The following HPX variants were observed in gnomAD, a reference collection of about 807,000 sequenced individuals.
HPX encodes the protein beta-1B-glycoprotein.
HPX carries 42 observed loss-of-function variants against 53.8 expected under a neutral mutation model. That is an observed-to-expected ratio of 0.78 (90% CI 0.61 to 1.01). The LOEUF is 1.01. Among genes scored for constraint, HPX ranks in the 50% least tolerant of loss-of-function variants. The pLI is 0.00. For synonymous variants in HPX, 229 were observed against 221.1 expected (o/e 1.04, Z -0.32); for missense variants, 547 against 594.3 (o/e 0.92, Z 0.83).
chr11:6,433,781 C>T (rs1212513181), intron 7 of HPX, among the ~76,000 whole-genome samples: 2 of 152,218 alleles, frequency 1.3e-5, no homozygotes, highest in East Asian at 3.9e-4. Flanking sequence ...TGGCCACTGC[C>T]GTCCCTGCCC....
Position 6,438,466 on chromosome 11 carries a change from C to T in HPX, c.380G>A (p.Gly127Glu), listed in dbSNP as rs1268363943. 2.5e-6 allele frequency: 4 copies of T among 1,613,904 alleles called. No homozygotes were observed. The highest frequency in any genetic ancestry group is 1.7e-5 in the Admixed American group (1 of 60,008). Residue 127 changes from glycine to glutamate, a missense_variant, in exon 5 of 10, where the codon GGA becomes GAA. Transcript: ENST00000265983. ...TTCATCTTGGAGCAACTTTGGGTAT[C>T]CTTTCTCCTTCTTTTCAGGAGGGTA... ...WVYPPEKKEK[G>E]YPKLLQDEFP...
chr11:6,431,518 C>A, intron 9 of HPX, 48 bp from the exon 10 acceptor site: 1 of 1,611,882 alleles, frequency 6.2e-7, no homozygotes, highest in Non-Finnish European at 8.5e-7. Context: ...TCATGGGGAT[C>A]CTGACCTAGG....
chr11:6,439,866 G>A (rs1375356126), intron 4 of HPX: 1 of 412,250 alleles, frequency 2.4e-6, no homozygotes, highest in Non-Finnish European at 4.6e-6. Context: ...CTTGATACAG[G>A]GTCATGGAAG....
intron 1 of HPX, 31 bp downstream of exon 1, chr11:6,440,850 A>G (rs1463706543): frequency 3.1e-6 from 5 of 1,609,716 alleles, no homozygotes; most frequent in Non-Finnish European, 4.3e-6. Context: ...CCAGAACTCA[A>G]TCCTTCGCTT....
chr11:6,438,303 A>T (rs1488285471), intron 5 of HPX, 53 bp downstream of exon 5: 3 of 1,574,838 alleles, frequency 1.9e-6, no homozygotes, highest in Admixed American at 3.4e-5. Context: ...CACTACTGGC[A>T]TCACTACCAA....
chr11:6,438,594 T>G (rs1389303196), intron 4 of HPX, 85 bp from the exon 5 acceptor site: 2 of 1,226,598 alleles, frequency 1.6e-6, no homozygotes, highest in African/African-American at 1.5e-5. Context: ...TCTACTGTGC[T>G]TATACGATAT....
chr11:6,440,156 C>T lies in HPX; in HGVS notation c.336+9G>A, dbSNP rs1849464331. 3 of 1,614,030 alleles carry T rather than the reference C, an allele frequency of 1.9e-6. No homozygotes were observed. Among genetic ancestry groups the T allele is most frequent in the Non-Finnish European group, 2.5e-6 (3 of 1,180,022 alleles). Reference sequence around the variant, plus strand: ...TTCCAGCCTGGCCCTGATTTTGGCCCAGCAGTACCTTGATCAGAAAGACAC... The same window carrying T: ...TTCCAGCCTGGCCCTGATTTTGGCCTAGCAGTACCTTGATCAGAAAGACAC... On this transcript the variant is annotated intron_variant, in intron 4 of 9. Transcript: ENST00000265983.
chr11:6,435,349 C>A (rs1271693993), intron 7 of HPX, among the ~76,000 whole-genome samples: 2 of 152,000 alleles, frequency 1.3e-5, no homozygotes, highest in Admixed American at 6.6e-5. Context: ...GAGGGACTGC[C>A]CCATGCTGTA....
At chr11:6,440,094 A>C in intron 4 of HPX, 71 bp downstream of exon 4, 3 of 1,604,920 alleles carry the variant, frequency 1.9e-6, no homozygotes, top group Non-Finnish European at 2.6e-6. Flanking sequence ...TGCCAAGGCC[A>C]TTTGGGGGAA....
rs750019408 is a variant in HPX, at chr11:6,437,026, G to T, written c.835+20C>A. 2 of 1,612,924 alleles carry T rather than the reference G, an allele frequency of 1.2e-6. No homozygotes were observed. Among genetic ancestry groups the T allele is most frequent in the East Asian group, 2.2e-5 (1 of 44,888 alleles). The stretch of plus-strand genomic sequence containing the variant: ...AAAGAGATGTGAGAGCACATTGGGG[G>T]AGTTGGGGGCATCTCTCACCACTGA... On this transcript the variant is annotated intron_variant, in intron 7 of 9. Transcript: ENST00000265983.
chr11:6,431,854 GTC>G, intron 8 of HPX, 31 bp downstream of exon 8: 1 of 1,613,928 alleles, frequency 6.2e-7, no homozygotes, highest in Non-Finnish European at 8.5e-7. Flanking sequence ...GCTTGTCCCA[GTC>G]TCTACCTCAA....
intron 4 of HPX, among the ~76,000 whole-genome samples, chr11:6,438,918 G>C (rs1312619049): frequency 1.3e-5 from 2 of 152,166 alleles, no homozygotes; most frequent in Non-Finnish European, 2.9e-5. Flanking sequence ...ATTGTGAGAG[G>C]CACTGAGGAT....
intron 2 of HPX, 55 bp from the exon 3 acceptor site, chr11:6,440,593 A>C (rs1020198490): frequency 1.1e-5 from 13 of 1,174,924 alleles, no homozygotes; most frequent in South Asian, 2.7e-5. Flanking sequence ...AAAAAAAAAA[A>C]AAAAAAAAAA....
chr11:6,432,803 T>C (rs1183818329), intron 7 of HPX, among the ~76,000 whole-genome samples: 2 of 152,202 alleles, frequency 1.3e-5, no homozygotes, highest in Non-Finnish European at 2.9e-5. Context: ...GATATCTAAA[T>C]ATTGGAATCC....
chr11:6,436,712 T>C (rs193148554), intron 7 of HPX, among the ~76,000 whole-genome samples: 15 of 151,852 alleles, frequency 9.9e-5, no homozygotes, highest in Middle Eastern at 3.4e-3. Flanking sequence ...CAGAGACACA[T>C]AGAGGTCCAG....
At chr11:6,440,563 A>G (rs1464258621) in intron 2 of HPX, 25 bp from the exon 3 acceptor site, 1 of 554,516 alleles carries the variant, frequency 1.8e-6, no homozygotes, top group Middle Eastern at 4.4e-4. Context: ...GGGAGATGGC[A>G]AAGTAAAAAA....
At chr11:6,436,415 G>T (rs997484577) in intron 7 of HPX, among the ~76,000 whole-genome samples, 3 of 152,172 alleles carry the variant, frequency 2.0e-5, no homozygotes, top group Non-Finnish European at 2.9e-5. Context: ...GGTATTATTA[G>T]ATGGCTTTTA....
chr11:6,438,833 T>C (rs964645789), intron 4 of HPX, among the ~76,000 whole-genome samples: 63 of 152,108 alleles, frequency 4.1e-4, no homozygotes, highest in Admixed American at 1.1e-3. Flanking sequence ...TATTTCTTCA[T>C]TCATTTCTTC....
Position 6,431,197 on chromosome 11 carries a change from T to C in HPX, c.*14A>G, listed in dbSNP as rs375227778. On this transcript the variant is annotated 3_prime_UTR_variant, in exon 10 of 10. Coordinates refer to ENST00000265983, the MANE Select transcript of HPX (RefSeq NM_000613.3). ...AGGAGGTGGGGCCAGGCCAGACTCATGTCAGAAGGCCCCTCAGTGAGTGCA... is the reference window on the plus strand; with the variant it reads ...AGGAGGTGGGGCCAGGCCAGACTCACGTCAGAAGGCCCCTCAGTGAGTGCA... 181 of 1,613,816 alleles carry C rather than the reference T, an allele frequency of 1.1e-4. 1 individual carries two copies. Among genetic ancestry groups the C allele is most frequent in the Non-Finnish European group, 1.3e-4 (159 of 1,179,854 alleles).
Sources: gnomAD v4.1 joint callset for allele counts (sites outside exome capture counted in the v4.1 genomes callset) on GRCh38, gnomAD v4.1.1 for gene constraint, MANE v1.5 for transcripts, NCBI Gene and HGNC (gene_info 2026-07-23, HGNC 2026-07-21) for gene names.